ADK: variants seen among roughly 807,000 people sequenced by gnomAD.
The protein encoded by ADK is N6,N6-dimethyladenosine kinase.
In ADK, 24 loss-of-function variants were observed where a neutral mutation model predicts 44.7. That is an observed-to-expected ratio of 0.54 (90% CI 0.39 to 0.76). The LOEUF is 0.76. ADK is among the 30% of genes least tolerant of loss of function. The pLI, the probability that ADK is intolerant of heterozygous loss-of-function variation, is 0.00. For missense variants in ADK, 321 were observed against 425.1 expected, an observed-to-expected ratio of 0.76 and a Z score of 2.15; for synonymous variants, 128 against 142.6, an observed-to-expected ratio of 0.90 and a Z score of 0.73.
intron 1 of ADK, among the ~76,000 whole-genome samples, chr10:74,157,190 G>A (rs971173067): frequency 2.6e-5 from 4 of 152,164 alleles, no homozygotes; most frequent in African/African-American, 7.2e-5. Flanking sequence ...AAGCTTGGAG[G>A]TCGTGGACTC....
intron 3 of ADK, among the ~76,000 whole-genome samples, chr10:74,240,270 T>C (rs894707015): frequency 1.3e-5 from 2 of 152,180 alleles, no homozygotes; most frequent in African/African-American, 4.8e-5. Context: ...ACTTGTAATA[T>C]AACAGTAATA....
At chr10:74,479,034 T>C (rs1020696015) in intron 6 of ADK, among the ~76,000 whole-genome samples, 4 of 152,192 alleles carry the variant, frequency 2.6e-5, no homozygotes, top group African/African-American at 9.7e-5. Context: ...GGTCTTACTC[T>C]GTCTCCCAGG....
At chr10:74,361,276 T>C (rs1374885277) in intron 4 of ADK, among the ~76,000 whole-genome samples, 1 of 152,230 alleles carries the variant, frequency 6.6e-6, no homozygotes, top group Non-Finnish European at 1.5e-5. Flanking sequence ...TTTACTACTC[T>C]TATTTTGTTA....
At chr10:74,177,581 C>T (rs531713141) in intron 1 of ADK, among the ~76,000 whole-genome samples, 1 of 152,084 alleles carries the variant, frequency 6.6e-6, no homozygotes, top group Non-Finnish European at 1.5e-5. Context: ...TCCACTTTCT[C>T]CCAGTAGCCT....
At chr10:74,655,512 T>C (rs1014632684) in intron 9 of ADK, 104 of 494,384 alleles carry the variant, frequency 2.1e-4, no homozygotes, top group African/African-American at 1.9e-3. Context: ...TCAGGGTGGC[T>C]TTTTAAGGAA....
chr10:74,395,976 G>A (rs961925169), intron 5 of ADK, among the ~76,000 whole-genome samples: 1 of 152,068 alleles, frequency 6.6e-6, no homozygotes, highest in Admixed American at 6.6e-5. Flanking sequence ...GTGCTATTGC[G>A]CTCCAGCCTG....
At chr10:74,433,533 G>T (rs1845072065) in intron 6 of ADK, among the ~76,000 whole-genome samples, 1 of 152,188 alleles carries the variant, frequency 6.6e-6, no homozygotes. Context: ...AGTAAAACTA[G>T]CAGCAGTATT....
At chr10:74,309,822 A>G (rs1490605759) in intron 3 of ADK, among the ~76,000 whole-genome samples, 5 of 152,178 alleles carry the variant, frequency 3.3e-5, no homozygotes, top group Non-Finnish European at 5.9e-5. Flanking sequence ...CATTTTGTTG[A>G]ACAGTTAGTA....
At chr10:74,541,804 C>CCA (rs1554878487) in intron 7 of ADK, among the ~76,000 whole-genome samples, 3 of 137,310 alleles carry the variant, frequency 2.2e-5, no homozygotes, top group African/African-American at 8.2e-5. Context: ...ACCCCCCCCC[C>CCA]CTAAAAAAAA....
chr10:74,275,493 C>T (rs1317007248), intron 3 of ADK, among the ~76,000 whole-genome samples: 1 of 152,036 alleles, frequency 6.6e-6, no homozygotes, highest in Non-Finnish European at 1.5e-5. Flanking sequence ...AAGTTCAGGG[C>T]CCTGCTGGTG....
chr10:74,483,117 T>G (rs1847132708), intron 6 of ADK, among the ~76,000 whole-genome samples: 1 of 152,338 alleles, frequency 6.6e-6, no homozygotes, highest in Non-Finnish European at 1.5e-5. Context: ...GGTTCACCCC[T>G]GCAGCAAACT....
At chr10:74,477,167 G>T (rs988942705) in intron 6 of ADK, among the ~76,000 whole-genome samples, 19 of 152,050 alleles carry the variant, frequency 1.2e-4, no homozygotes, top group African/African-American at 4.3e-4. Context: ...ACCACATTTA[G>T]ATCTGTAACT....
At chr10:74,344,342 C>T (rs1841687334) in intron 4 of ADK, among the ~76,000 whole-genome samples, 1 of 152,164 alleles carries the variant, frequency 6.6e-6, no homozygotes, top group Non-Finnish European at 1.5e-5. Context: ...AAATGTTGCA[C>T]CTTATTATTT....
intron 10 of ADK, among the ~76,000 whole-genome samples, chr10:74,685,951 T>A (rs546345598): frequency 6.6e-6 from 1 of 151,382 alleles, no homozygotes; most frequent in Non-Finnish European, 1.5e-5. Flanking sequence ...ATATGTGGGG[T>A]TTTTTGTTTG....
intron 6 of ADK, among the ~76,000 whole-genome samples, chr10:74,475,920 TTC>T (rs1190799892): frequency 6.6e-6 from 1 of 152,110 alleles, no homozygotes; most frequent in Non-Finnish European, 1.5e-5. Context: ...TGCTTCTAGG[TTC>T]TCTCAGCAGA....
At chr10:74,440,502 ATAAAT>A (rs1845364398) in intron 6 of ADK, among the ~76,000 whole-genome samples, 1 of 152,202 alleles carries the variant, frequency 6.6e-6, no homozygotes, top group African/African-American at 2.4e-5. Context: ...TTTACAATTA[ATAAAT>A]TAAGTTAGGC....
intron 1 of ADK, among the ~76,000 whole-genome samples, chr10:74,189,277 T>C (rs1842879856): frequency 6.6e-6 from 1 of 152,206 alleles, no homozygotes; most frequent in South Asian, 2.1e-4. Flanking sequence ...CTATTTTCAA[T>C]TTTACATGGT....
chr10:74,198,655 T>C (rs951020481), intron 1 of ADK, among the ~76,000 whole-genome samples: 14 of 152,174 alleles, frequency 9.2e-5, no homozygotes. Flanking sequence ...GATGAATGTC[T>C]CTTATTGAGA....
intron 7 of ADK, among the ~76,000 whole-genome samples, chr10:74,561,823 C>T (rs1370705191): frequency 6.6e-6 from 1 of 152,168 alleles, no homozygotes; most frequent in African/African-American, 2.4e-5. Context: ...TGGGCATAAG[C>T]TGTTTAGAGT....
Sources: allele counts gnomAD v4.1 joint callset (sites outside exome capture counted in the v4.1 genomes callset), GRCh38; gene constraint gnomAD v4.1.1; transcripts MANE v1.5; gene names NCBI Gene and HGNC (gene_info 2026-07-23, HGNC 2026-07-21).